The following XIRP2 variants were observed in gnomAD, a reference collection of about 807,000 sequenced individuals.
XIRP2 encodes xin actin binding repeat containing 2, also known as xin actin-binding repeat-containing protein 2.
A neutral mutation model predicts 277.0 loss-of-function variants in XIRP2; 236 were observed. That is an observed-to-expected ratio of 0.85 (90% confidence interval 0.77 to 0.95). The LOEUF (loss-of-function observed/expected upper bound fraction) is 0.95. Ranked by LOEUF, XIRP2 falls within the 40% of genes least tolerant of loss-of-function variation. The pLI is 0.00. For missense variants in XIRP2, 4,640 were observed against 4,157.5 expected, an observed-to-expected ratio of 1.12 and a Z score of -3.19; for synonymous variants, 1,490 against 1,416.5, an observed-to-expected ratio of 1.05 and a Z score of -1.17.
chr2:167,098,147 C>G (rs1222912816), intron 2 of XIRP2, among the ~76,000 whole-genome samples: 2 of 152,148 alleles, frequency 1.3e-5, no homozygotes, highest in African/African-American at 4.8e-5. Flanking sequence ...GTGTGTTTTC[C>G]AACTGGTTCC....
intron 2 of XIRP2, among the ~76,000 whole-genome samples, chr2:167,081,278 C>A (rs1367497036): frequency 6.6e-6 from 1 of 151,962 alleles, no homozygotes; most frequent in African/African-American, 2.4e-5. Flanking sequence ...CCAGCCTGGG[C>A]AACACAGCAA....
intron 2 of XIRP2, among the ~76,000 whole-genome samples, chr2:167,005,805 A>G (rs1687489247): frequency 6.6e-6 from 1 of 151,386 alleles, no homozygotes; most frequent in Admixed American, 6.6e-5. Context: ...AAAAAAAATT[A>G]CACAACTGGC....
At chr2:167,004,737 A>G (rs769879857) in intron 2 of XIRP2, among the ~76,000 whole-genome samples, 1 of 151,872 alleles carries the variant, frequency 6.6e-6, no homozygotes, top group Non-Finnish European at 1.5e-5. Flanking sequence ...CCAATTTGAA[A>G]TCTAGTTAGT....
intron 10 of XIRP2, among the ~76,000 whole-genome samples, chr2:167,257,211 G>A (rs1459210657): frequency 1.3e-5 from 2 of 151,836 alleles, no homozygotes; most frequent in Non-Finnish European, 2.9e-5. Context: ...ACTGTTGGTG[G>A]TTTCTCCTTA....
In XIRP2 at chr2:167,249,290, C is replaced by T. The variant is rs371389487; in HGVS notation, c.7898C>T (p.Ser2633Leu). ...TCTGATAACCAACTCTCCACAACAT[C>T]GCCAGAAACAGTCGCTGCCAAGAGG... ...VCSDNQLSTTSPETVAAKRLH... is the reference protein window; with the variant it reads ...VCSDNQLSTTLPETVAAKRLH... Residue 2633 changes from serine to leucine, a missense_variant, in exon 9 of 11, where the codon TCG becomes TTG. Coordinates refer to ENST00000409195, the MANE Select transcript of XIRP2 (RefSeq NM_152381.6). 113 of 1,613,614 alleles carry T rather than the reference C, an allele frequency of 7.0e-5. No individual in the cohort carries two copies. The highest frequency in any genetic ancestry group is 8.2e-5 in the Non-Finnish European group (97 of 1,179,758).
intron 2 of XIRP2, among the ~76,000 whole-genome samples, chr2:166,937,003 G>C (rs929891597): frequency 1.9e-4 from 29 of 152,096 alleles, no homozygotes; most frequent in African/African-American, 7.0e-4. Context: ...TTACCTTGGG[G>C]AGTATGGCCA....
intron 3 of XIRP2, among the ~76,000 whole-genome samples, chr2:167,189,980 A>G (rs1406572644): frequency 6.6e-6 from 1 of 152,206 alleles, no homozygotes; most frequent in East Asian, 1.9e-4. Flanking sequence ...ATGATTGGCT[A>G]GAATGGCTCA....
At chr2:167,060,675 T>A (rs1392326307) in intron 2 of XIRP2, among the ~76,000 whole-genome samples, 1 of 152,186 alleles carries the variant, frequency 6.6e-6, no homozygotes, top group African/African-American at 2.4e-5. Context: ...TGGAATTTAT[T>A]GATCATATAT....
In XIRP2 at chr2:167,207,040, A is replaced by G. The variant is rs80069939; in HGVS notation, c.563-3695A>G. ...TGAGCAACACATTGACCCTAGCTCT[A>G]TGTATCAAGCCATTGACCTTTATTT... On this transcript the variant is annotated intron_variant, in intron 3 of 10. Coordinates refer to ENST00000409195, the MANE Select transcript of XIRP2 (RefSeq NM_152381.6). 2.3e-3 allele frequency among the ~76,000 whole-genome samples: 348 copies of G among 152,276 alleles called. 10 individuals are homozygous for G. In the East Asian group the frequency reaches 0.054, roughly 24 times the overall value.
At chr2:167,127,412 C>T (rs939768006) in intron 2 of XIRP2, among the ~76,000 whole-genome samples, 1 of 152,138 alleles carries the variant, frequency 6.6e-6, no homozygotes, top group African/African-American at 2.4e-5. Flanking sequence ...TGAGGAGGCA[C>T]CTTTTTCCAG....
chr2:167,194,574 A>G (rs1255392228), intron 3 of XIRP2, among the ~76,000 whole-genome samples: 4 of 152,204 alleles, frequency 2.6e-5, no homozygotes. Flanking sequence ...AGAATCACAG[A>G]AACATCATCT....
At chr2:167,203,949 G>A (rs1693789868) in intron 3 of XIRP2, among the ~76,000 whole-genome samples, 2 of 151,984 alleles carry the variant, frequency 1.3e-5, no homozygotes, top group South Asian at 2.1e-4. Context: ...TCCCAATGTA[G>A]TTCTCAATCA....
intron 2 of XIRP2, among the ~76,000 whole-genome samples, chr2:167,045,815 A>G: frequency 6.6e-6 from 1 of 152,066 alleles, no homozygotes; most frequent in East Asian, 1.9e-4. Flanking sequence ...AAAGGTGGAA[A>G]GCAGTTTGGA....
intron 2 of XIRP2, among the ~76,000 whole-genome samples, chr2:167,078,884 A>G (rs926928562): frequency 6.7e-6 from 1 of 150,068 alleles, no homozygotes; most frequent in Non-Finnish European, 1.5e-5. Flanking sequence ...TGACTTTTGC[A>G]CCAACAATAT....
intron 2 of XIRP2, among the ~76,000 whole-genome samples, chr2:166,934,195 CAAAAA>C (rs750753001): frequency 1.4e-5 from 1 of 71,568 alleles, no homozygotes; most frequent in Non-Finnish European, 2.9e-5. Flanking sequence ...AAATCAACAG[CAAAAA>C]AAAAAAAAAA....
In XIRP2 at chr2:167,246,128, A is replaced by T. The variant is rs779881064; in HGVS notation, c.4736A>T (p.Asp1579Val). 1 of 1,613,310 alleles carries T rather than the reference A, an allele frequency of 6.2e-7. No individual in the cohort carries two copies. The highest frequency in any genetic ancestry group is 2.2e-5 in the East Asian group (1 of 44,818). ...ATCATTGAAGCTGATGAAATAGGGG[A>T]TGTTCGAATGGCAAAATACAAGCTA... is the stretch of plus-strand genomic sequence containing the variant. ...GIIIEADEIG[D>V]VRMAKYKLMN... is the part of the protein sequence containing the mutation. Residue 1579 changes from aspartate (D) to valine (V), a missense_variant, in exon 9 of 11, where the codon GAT (aspartate) becomes GTT (valine). Transcript: ENST00000409195.
intron 2 of XIRP2, among the ~76,000 whole-genome samples, chr2:167,027,086 T>A (rs1181540872): frequency 6.6e-6 from 1 of 152,170 alleles, no homozygotes; most frequent in African/African-American, 2.4e-5. Flanking sequence ...CTGGATAATA[T>A]CCTGCAGAGT....
chr2:167,008,189 T>C (rs78541488), intron 2 of XIRP2, among the ~76,000 whole-genome samples: 5,541 of 151,776 alleles, frequency 0.037, 117 homozygotes, highest in East Asian at 0.061. Flanking sequence ...ATATATCTTT[T>C]ATTTATAGAC....
At chr2:167,156,784 G>A (rs949308243) in intron 3 of XIRP2, among the ~76,000 whole-genome samples, 5 of 152,100 alleles carry the variant, frequency 3.3e-5, no homozygotes, top group Admixed American at 1.3e-4. Flanking sequence ...AATGATCAAG[G>A]CTTGAAGAGT....
Sources: gnomAD v4.1 joint callset for allele counts (sites outside exome capture counted in the v4.1 genomes callset) on GRCh38, gnomAD v4.1.1 for gene constraint, MANE v1.5 for transcripts, NCBI Gene and HGNC (gene_info 2026-07-23, HGNC 2026-07-21) for gene names.